WNT7A: variants seen among roughly 807,000 people sequenced by gnomAD.
WNT7A encodes Wnt family member 7A.
WNT7A carries 16 observed loss-of-function variants against 28.2 expected under a neutral mutation model. The observed-to-expected ratio is 0.57, with a 90% CI of 0.38 to 0.86. WNT7A has a LOEUF of 0.86. WNT7A is among the 40% of genes least tolerant of loss of function. The pLI, the probability that WNT7A is intolerant of heterozygous loss-of-function variation, is 0.00. For missense variants in WNT7A, 411 were observed against 489.7 expected (o/e 0.84, Z 1.52); for synonymous variants, 190 against 195.9 (o/e 0.97, Z 0.25).
chr3:13,824,761 C>T (rs1694166218), intron 3 of WNT7A, among the ~76,000 whole-genome samples: 2 of 152,176 alleles, frequency 1.3e-5, no homozygotes, highest in Non-Finnish European at 2.9e-5. Context: ...CCATGACAGA[C>T]GATGGCCCAA....
rs955802638 is a variant in WNT7A, at chr3:13,845,337, C to A, written c.570+9195G>T. ...TGTCCAACAGACCTTCCTGCCACCA[C>A]GGAATGGTCTAGTAGGAAGCCACGA... On this transcript the variant is annotated intron_variant, in intron 3 of 3. Transcript: ENST00000285018. 2.6e-5 allele frequency among the ~76,000 whole-genome samples: 4 copies of A among 152,262 alleles called. No homozygotes were observed. The East Asian group carries it at 7.7e-4, about 29-fold the overall frequency.
At chr3:13,869,722 A>AAAGG (rs143492249) in intron 2 of WNT7A, among the ~76,000 whole-genome samples, 11 of 151,550 alleles carry the variant, frequency 7.3e-5, no homozygotes, top group East Asian at 5.9e-4. Context: ...AGAAAGAAAA[A>AAAGG]AAGGAAGGAA....
chr3:13,834,990 G>A (rs114346736), intron 3 of WNT7A, among the ~76,000 whole-genome samples: 96 of 152,336 alleles, frequency 6.3e-4, no homozygotes, highest in Admixed American at 2.2e-3. Flanking sequence ...GAAAGAAAGC[G>A]ACTGGAGTGA....
At chr3:13,847,670 C>A (rs551040372) in intron 3 of WNT7A, among the ~76,000 whole-genome samples, 1 of 152,320 alleles carries the variant, frequency 6.6e-6, no homozygotes, top group African/African-American at 2.4e-5. Flanking sequence ...ATCACAGAAC[C>A]TTTCAGACAT....
At position 13,854,621 on chromosome 3, in the gene WNT7A, C is replaced by T. The variant is rs771103575; in HGVS notation, c.481G>A (p.Gly161Ser). Residue 161 changes from glycine (G) to serine (S), a missense_variant, in exon 3 of 4, where the codon GGC becomes AGC. Coordinates refer to ENST00000285018, the MANE Select transcript of WNT7A (RefSeq NM_004625.4). The part of the protein sequence containing the change: ...GCSADIRYGI[G>S]FAKVFVDARE... ...GCATCCACAAAGACCTTGGCGAAGCCGATGCCGTAGCGGATGTCGGCAGAG... is the reference window on the plus strand; with the variant it reads ...GCATCCACAAAGACCTTGGCGAAGCTGATGCCGTAGCGGATGTCGGCAGAG... 8.7e-6 allele frequency: 14 copies of T among 1,614,204 alleles called. No homozygotes were observed. The highest frequency in any genetic ancestry group is 4.5e-5 in the East Asian group (2 of 44,870).
At chr3:13,840,596 T>C (rs371586020) in intron 3 of WNT7A, among the ~76,000 whole-genome samples, 24 of 150,206 alleles carry the variant, frequency 1.6e-4, no homozygotes, top group African/African-American at 4.4e-4. Flanking sequence ...AGCTATTCAT[T>C]CATCCATCCA....
At chr3:13,840,772 T>TATCC (rs902894307) in intron 3 of WNT7A, among the ~76,000 whole-genome samples, 11 of 151,286 alleles carry the variant, frequency 7.3e-5, no homozygotes, top group African/African-American at 2.7e-4. Context: ...ATCTAGCAAA[T>TATCC]ATCCATCCAT....
At chr3:13,876,060 G>A (rs191962650) in intron 1 of WNT7A, 5 of 152,532 alleles carry the variant, frequency 3.3e-5, no homozygotes, top group Non-Finnish European at 7.3e-5. Context: ...ATGGCAACTG[G>A]GGTGTGGGGG....
chr3:13,847,535 A>G (rs1197077235), intron 3 of WNT7A, among the ~76,000 whole-genome samples: 1 of 152,170 alleles, frequency 6.6e-6, no homozygotes, highest in East Asian at 1.9e-4. Context: ...TTTCCTTGGC[A>G]CTGTCCCGAG....
chr3:13,832,073 C>G (rs548273115), intron 3 of WNT7A, among the ~76,000 whole-genome samples: 2 of 152,120 alleles, frequency 1.3e-5, no homozygotes, highest in South Asian at 4.2e-4. Context: ...CTGCTCCCCT[C>G]CTGTTCCTGC....
intron 3 of WNT7A, among the ~76,000 whole-genome samples, chr3:13,851,569 G>A (rs1030340746): frequency 1.3e-5 from 2 of 152,132 alleles, no homozygotes; most frequent in South Asian, 4.1e-4. Flanking sequence ...TCTGTATCAC[G>A]TTTCTCCTAC....
intron 3 of WNT7A, among the ~76,000 whole-genome samples, chr3:13,829,930 A>G (rs915254215): frequency 1.3e-5 from 2 of 151,682 alleles, no homozygotes; most frequent in Non-Finnish European, 2.9e-5. Context: ...ACCCAGGTCA[A>G]CTCACCCCAG....
intron 2 of WNT7A, among the ~76,000 whole-genome samples, chr3:13,872,041 C>T (rs1695034437): frequency 6.6e-6 from 1 of 152,156 alleles, no homozygotes; most frequent in South Asian, 2.1e-4. Context: ...TTCCCTTTGC[C>T]CGACATGCTC....
chr3:13,824,309 G>A (rs1488916261), intron 3 of WNT7A, among the ~76,000 whole-genome samples: 2 of 152,148 alleles, frequency 1.3e-5, no homozygotes, highest in Admixed American at 6.5e-5. Flanking sequence ...TTGTAGATCT[G>A]TCTGTTCTAG....
At chr3:13,829,937 C>T (rs1403974256) in intron 3 of WNT7A, among the ~76,000 whole-genome samples, 1 of 152,134 alleles carries the variant, frequency 6.6e-6, no homozygotes, top group Non-Finnish European at 1.5e-5. Flanking sequence ...TCAACTCACC[C>T]CAGAACCCCT....
chr3:13,852,563 G>T (rs1036011671), intron 3 of WNT7A, among the ~76,000 whole-genome samples: 2 of 152,212 alleles, frequency 1.3e-5, no homozygotes, highest in South Asian at 2.1e-4. Context: ...AACTGAGGTC[G>T]CAAGAGGGGC....
At chr3:13,867,216 A>G (rs1694925146) in intron 2 of WNT7A, among the ~76,000 whole-genome samples, 1 of 152,124 alleles carries the variant, frequency 6.6e-6, no homozygotes. Flanking sequence ...ACTGTCAGAA[A>G]GGTGAAGTAC....
chr3:13,860,247 C>G (rs1694806867), intron 2 of WNT7A, among the ~76,000 whole-genome samples: 1 of 152,036 alleles, frequency 6.6e-6, no homozygotes. Flanking sequence ...GCTGAGGTCA[C>G]CCAGCTAGAA....
In WNT7A at chr3:13,819,277, C is replaced by A; in HGVS notation, c.717G>T (p.Glu239Asp). 2 of 1,614,204 alleles carry A rather than the reference C, an allele frequency of 1.2e-6. No homozygotes were observed. The highest frequency in any genetic ancestry group is 1.7e-6 in the Non-Finnish European group (2 of 1,180,034). ...GCTTGTTGCGGCTGGCACGCACAGG[C>A]TCCACGTGAACGGCCTCGTTGTACT... The part of the protein sequence containing the change: ...KDKYNEAVHV[E>D]PVRASRNKRP... Residue 239 changes from glutamate to aspartate, a missense_variant, in exon 4 of 4, where the codon GAG becomes GAT. Glu to Asp is a conservative substitution (Grantham distance 45). Transcript: ENST00000285018.
Sources: gnomAD v4.1 joint callset for allele counts (sites outside exome capture counted in the v4.1 genomes callset) on GRCh38, gnomAD v4.1.1 for gene constraint, MANE v1.5 for transcripts, NCBI Gene and HGNC (gene_info 2026-07-23, HGNC 2026-07-21) for gene names.